The following NECTIN1 variants were observed in gnomAD, a reference collection of about 807,000 sequenced individuals.
The protein encoded by NECTIN1 is nectin-1.
A neutral mutation model predicts 48.0 loss-of-function variants in NECTIN1; 23 were observed. The ratio of observed to expected loss-of-function variants is 0.48; its 90% CI spans 0.34 to 0.68. NECTIN1 has a LOEUF of 0.68. Ranked by LOEUF, NECTIN1 falls within the 30% of genes least tolerant of loss-of-function variation. NECTIN1 has a pLI of 0.01. For synonymous variants in NECTIN1, 270 were observed against 288.9 expected, an observed-to-expected ratio of 0.93 and a Z score of 0.66; for missense variants, 591 against 709.9, an observed-to-expected ratio of 0.83 and a Z score of 1.90.
rs370234311 is a variant in NECTIN1 at position 119,678,523 on chromosome 11, T to C, written c.322A>G (p.Thr108Ala). The change falls in exon 2 of 6, where the codon ACT becomes GCT. Residue 108 changes from threonine to alanine, a missense_variant. Transcript: ENST00000264025. This position sits in a 1 kb window ranked among gnomAD's most constrained non-coding sequence, Gnocchi z 4.4. ...EFLRPSFTDGTIRLSRLELED... is the reference protein window; with the variant it reads ...EFLRPSFTDGAIRLSRLELED... ...AGCTCCAGGCGGGAGAGGCGGATAG[T>C]GCCATCGGTGAAGGAGGGCCGCAGG... is the stretch of plus-strand genomic sequence containing the variant. 1.2e-5 allele frequency: 19 copies of C among 1,614,120 alleles called. No homozygotes were observed. Among genetic ancestry groups the C allele is most frequent in the Middle Eastern group, 1.6e-4 (1 of 6,062 alleles).
At chr11:119,681,659 A>C (rs902700025) in intron 1 of NECTIN1, among the ~76,000 whole-genome samples, 3 of 152,178 alleles carry the variant, frequency 2.0e-5, no homozygotes, top group African/African-American at 4.8e-5. Flanking sequence ...CCAATCCCTC[A>C]CCAGGCAGGG....
chr11:119,722,802 G>A (rs78402562), intron 1 of NECTIN1, among the ~76,000 whole-genome samples: 1 of 152,200 alleles, frequency 6.6e-6, no homozygotes, highest in Admixed American at 6.6e-5. Context: ...AGACTCAGAG[G>A]GGCCAGGACC....
chr11:119,706,721 T>C (rs1865553450), intron 1 of NECTIN1, among the ~76,000 whole-genome samples: 1 of 152,226 alleles, frequency 6.6e-6, no homozygotes, highest in Non-Finnish European at 1.5e-5. Flanking sequence ...CTGGAGACCC[T>C]GGGCCTCTGC....
intron 1 of NECTIN1, among the ~76,000 whole-genome samples, chr11:119,706,294 G>A (rs1353866214): frequency 6.6e-6 from 1 of 152,218 alleles, no homozygotes; most frequent in African/African-American, 2.4e-5. Context: ...AGACAGGTTT[G>A]TTTTTGTAGG....
chr11:119,708,871 G>A (rs544678638), intron 1 of NECTIN1, among the ~76,000 whole-genome samples: 9 of 152,138 alleles, frequency 5.9e-5, no homozygotes, highest in African/African-American at 2.2e-4. Flanking sequence ...ACCTCTGCAA[G>A]CCTGCAGCAC....
At chr11:119,719,303 G>C (rs1181667084) in intron 1 of NECTIN1, among the ~76,000 whole-genome samples, 1 of 152,186 alleles carries the variant, frequency 6.6e-6, no homozygotes, top group African/African-American at 2.4e-5. Flanking sequence ...AGAGATTCTG[G>C]AAGCAAAGTC....
At chr11:119,681,771 C>T (rs1447029050) in intron 1 of NECTIN1, among the ~76,000 whole-genome samples, 2 of 152,216 alleles carry the variant, frequency 1.3e-5, no homozygotes, top group African/African-American at 2.4e-5. Flanking sequence ...TTCCCAGCCT[C>T]TCTCTTACTG....
At chr11:119,688,813 G>A (rs1021399524) in intron 1 of NECTIN1, among the ~76,000 whole-genome samples, 7 of 152,136 alleles carry the variant, frequency 4.6e-5, no homozygotes, top group African/African-American at 1.7e-4. Flanking sequence ...AGGAGGGGCA[G>A]TGAGTTGTGT....
intron 1 of NECTIN1, among the ~76,000 whole-genome samples, chr11:119,688,033 G>A (rs976225702): frequency 4.6e-5 from 7 of 152,158 alleles, no homozygotes; most frequent in Non-Finnish European, 8.8e-5. Flanking sequence ...GGCAGCGGGG[G>A]GAGGGGTAGA....
intron 6 of NECTIN1, chr11:119,639,786 G>T (rs1036929293): frequency 8.8e-6 from 14 of 1,592,858 alleles, no homozygotes; most frequent in African/African-American, 1.3e-5. Context: ...ACAAGTTTAG[G>T]TGCTTTAAGT....
chr11:119,698,564 A>G (rs1006006441), intron 1 of NECTIN1, among the ~76,000 whole-genome samples: 1 of 152,192 alleles, frequency 6.6e-6, no homozygotes, highest in African/African-American at 2.4e-5. Flanking sequence ...CCTCCCCATA[A>G]GGAGAGAGCA....
Position 119,662,728 on chromosome 11 carries a change from G to A in NECTIN1, c.*2019C>T. 2 of 984,688 alleles carry A rather than the reference G, an allele frequency of 2.0e-6. No individual in the cohort carries two copies. Among genetic ancestry groups the A allele is most frequent in the Non-Finnish European group, 2.4e-6 (2 of 830,074 alleles). The allele number at this position is 984,688 out of a possible 1,614,324, so 61.0% of individuals were successfully genotyped here. A position where few individuals can be genotyped will look rare whatever the true frequency, so the allele number is the denominator to read the frequency against. On this transcript the variant is annotated 3_prime_UTR_variant, in exon 6 of 6. Transcript: ENST00000264025. The surrounding 1 kb of genome is among the most constrained non-coding windows in gnomAD (Gnocchi z 5.3). ...ATGTGGAAAAGGTCCCCTGTCCTGG[G>A]GGACACTAATACTGCTGGGAAAAGC...
intron 1 of NECTIN1, among the ~76,000 whole-genome samples, chr11:119,723,734 C>T (rs1025955203): frequency 2.0e-5 from 3 of 152,174 alleles, no homozygotes; most frequent in Non-Finnish European, 4.4e-5. Context: ...CCCAACAGCA[C>T]GAGAGAATCC....
At chr11:119,687,338 G>A (rs1232340735) in intron 1 of NECTIN1, 1 of 152,198 alleles carries the variant, frequency 6.6e-6, no homozygotes, top group Non-Finnish European at 1.5e-5. Context: ...CCCTGCTCTG[G>A]AGATCTTAGC....
At chr11:119,685,283 C>G (rs942583900) in intron 1 of NECTIN1, among the ~76,000 whole-genome samples, 1 of 152,260 alleles carries the variant, frequency 6.6e-6, no homozygotes, top group Non-Finnish European at 1.5e-5. Flanking sequence ...GCCTGATGAC[C>G]CCCCAACTCC....
intron 5 of NECTIN1, among the ~76,000 whole-genome samples, chr11:119,652,325 ATTC>A (rs774353716): frequency 1.3e-5 from 2 of 151,616 alleles, no homozygotes; most frequent in African/African-American, 2.4e-5. Flanking sequence ...TGTCCTTCCT[ATTC>A]TTCTGGGAAT....
chr11:119,689,736 C>T (rs1006677135), intron 1 of NECTIN1, among the ~76,000 whole-genome samples: 1 of 152,214 alleles, frequency 6.6e-6, no homozygotes, highest in African/African-American at 2.4e-5. Flanking sequence ...ACCCCATCCC[C>T]TCGAGAAGGT....
Position 119,675,029 on chromosome 11 carries a change from G to A in NECTIN1, c.1003+130C>T. The A allele has an allele frequency of 8.5e-6, 10 of 1,174,644 alleles. No homozygotes were observed. The South Asian group carries it at 1.3e-4, about 16-fold the overall frequency. The allele number at this position is 1,174,644 out of a possible 1,614,324, so 72.8% of individuals were successfully genotyped here. On this transcript the variant is annotated intron_variant, in intron 5 of 5. Transcript: ENST00000264025. ...AAGCAAAGCAAAACCAATGGCCAGA[G>A]CTCAAGGGAGAACTAGAGAAGCAGG...
intron 5 of NECTIN1, among the ~76,000 whole-genome samples, chr11:119,647,913 A>C (rs1864418626): frequency 6.6e-6 from 1 of 151,714 alleles, no homozygotes; most frequent in South Asian, 2.1e-4. Context: ...AAATACAAAA[A>C]ATTAGCCAGG....
Sources: gnomAD v4.1 joint callset for allele counts (sites outside exome capture counted in the v4.1 genomes callset) on GRCh38, gnomAD v4.1.1 for gene constraint, Gnocchi (gnomAD v3.1) non-coding constraint, MANE v1.5 for transcripts, NCBI Gene and HGNC (gene_info 2026-07-23, HGNC 2026-07-21) for gene names.